The following ANKRD11 variants were observed in gnomAD, a reference collection of about 807,000 sequenced individuals.
ANKRD11 encodes ankyrin repeat domain-containing protein 11.
ANKRD11 carries 17 observed loss-of-function variants against 195.7 expected under a neutral mutation model. The ratio of observed to expected loss-of-function variants is 0.09; its 90% CI spans 0.06 to 0.13. ANKRD11 has a LOEUF of 0.13. Among genes scored for constraint, ANKRD11 ranks in the 10% least tolerant of loss-of-function variants. ANKRD11 has a pLI of 1.00. For missense variants in ANKRD11, 3,735 were observed against 3,566.1 expected, an observed-to-expected ratio of 1.05 and a Z score of -1.21; for synonymous variants, 1,953 against 1,528.1, an observed-to-expected ratio of 1.28 and a Z score of -6.49.
intron 1 of ANKRD11, among the ~76,000 whole-genome samples, chr16:89,476,567 G>T (rs947159471): frequency 3.3e-5 from 5 of 152,204 alleles, no homozygotes; most frequent in African/African-American, 1.2e-4. Context: ...AGGTGGGCAG[G>T]TTACAACACA....
At position 89,280,721 on chromosome 16, in the gene ANKRD11, C is replaced by T. The variant is rs747409293; in HGVS notation, c.5821G>A (p.Ala1941Thr). The T allele has an allele frequency of 5.6e-6, 9 of 1,613,432 alleles. No individual in the cohort carries two copies. The Admixed American group carries it at 6.7e-5, about 12-fold the overall frequency. The change falls in exon 9 of 13, where the codon GCC becomes ACC. Residue 1941 changes from alanine to threonine, a missense_variant. By Grantham distance (58) the Ala-to-Thr change is moderately conservative. Transcript: ENST00000301030. ...LEPLDEGPFS[A>T]VITEEPVEWA... Reference sequence around the variant, plus strand: ...TCAACGGGCTCCTCGGTGATGACGGCGCTGAAGGGACCCTCGTCCAGCGGC... The same window carrying T: ...TCAACGGGCTCCTCGGTGATGACGGTGCTGAAGGGACCCTCGTCCAGCGGC...
At position 89,274,533 on chromosome 16, in the gene ANKRD11, C is replaced by T. The variant is rs2033471726; in HGVS notation, c.7713+281G>A. Among the ~76,000 whole-genome samples the T allele has an allele frequency of 3.3e-5, 5 of 152,346 alleles. No individual in the cohort carries two copies. In the Middle Eastern group the frequency reaches 0.017, roughly 518 times the overall value. On this transcript the variant is annotated intron_variant, in intron 11 of 12. Transcript: ENST00000301030. ...AGGTAGGTAGGGGCAGGTGCTCCAA[C>T]TGCATGGACAAGTGTTACGGAGGGA... is the stretch of plus-strand genomic sequence containing the variant.
intron 11 of ANKRD11, 138 bp downstream of exon 11, chr16:89,274,676 C>G: frequency 7.6e-7 from 1 of 1,311,774 alleles, no homozygotes; most frequent in Non-Finnish European, 1.1e-6. Flanking sequence ...TAGAGGCATG[C>G]AAAGGACTCT....
intron 2 of ANKRD11, among the ~76,000 whole-genome samples, chr16:89,351,977 C>T (rs908882229): frequency 1.3e-5 from 2 of 152,150 alleles, no homozygotes; most frequent in Non-Finnish European, 2.9e-5. Flanking sequence ...GTGGTGCGAT[C>T]GTGGCTCACT....
chr16:89,346,251 A>G lies in ANKRD11; in HGVS notation c.-59-29173T>C, dbSNP rs1222680880. Among the ~76,000 whole-genome samples the G allele has an allele frequency of 6.2e-4, 24 of 38,820 alleles. 1 individual carries two copies. The highest frequency in any genetic ancestry group is 1.2e-3 in the Admixed American group (6 of 4,934). 25.5% of individuals were successfully genotyped at this position (38,820 alleles called of 152,430 possible). A position where few individuals can be genotyped will look rare whatever the true frequency, so the allele number is the denominator to read the frequency against. On this transcript the variant is annotated intron_variant, in intron 2 of 12. Coordinates refer to ENST00000301030, the MANE Select transcript of ANKRD11 (RefSeq NM_013275.6). ...CGACAGAGGGAGACCCCGTCTCAGG[A>G]AAAAAAAAAAAAAAAAAAAGAATCA... is the stretch of plus-strand genomic sequence containing the variant.
At chr16:89,277,163 G>C (rs1341781120) in intron 9 of ANKRD11, among the ~76,000 whole-genome samples, 3 of 152,330 alleles carry the variant, frequency 2.0e-5, no homozygotes, top group Middle Eastern at 6.8e-3. Flanking sequence ...CAGCCCCCCA[G>C]TGAGGGTTCT....
Position 89,280,276 on chromosome 16 carries a change from A to C in ANKRD11, c.6266T>G (p.Val2089Gly), listed in dbSNP as rs994964936. 2 of 1,608,270 alleles carry C rather than the reference A, an allele frequency of 1.2e-6. No individual in the cohort carries two copies. The highest frequency in any genetic ancestry group is 2.7e-5 in the African/African-American group (2 of 74,852). The change falls in exon 9 of 13, where the codon GTG becomes GGG. Residue 2089 changes from valine (V) to glycine (G), a missense_variant. Physicochemically the swap from Val to Gly is moderately radical, Grantham distance 109 (BLOSUM62 -3). Coordinates refer to ENST00000301030, the MANE Select transcript of ANKRD11 (RefSeq NM_013275.6). ...VAPEPACVAA[V>G]AQVEALGPLE... ...GGGCCCCAGAGCCTCCACCTGAGCC[A>C]CAGCGGCTACACAGGCGGGCTCGGG...
chr16:89,488,871 C>G (rs1048315668), intron 1 of ANKRD11, among the ~76,000 whole-genome samples: 1 of 152,108 alleles, frequency 6.6e-6, no homozygotes, highest in Non-Finnish European at 1.5e-5. Context: ...ACCATAAAAC[C>G]CTGTTCTTGC....
chr16:89,379,548 G>A (rs1213429363), intron 2 of ANKRD11, among the ~76,000 whole-genome samples: 2 of 152,164 alleles, frequency 1.3e-5, no homozygotes, highest in African/African-American at 4.8e-5. Context: ...GCTCAGTCAC[G>A]GCTCACTGCA....
rs747872776 is a variant in ANKRD11, at chr16:89,414,398, C to T, written c.-60+3886G>A. 5.3e-5 allele frequency among the ~76,000 whole-genome samples: 8 copies of T among 152,122 alleles called. 1 individual carries two copies. Among genetic ancestry groups the T allele is most frequent in the Admixed American group, 2.0e-4 (3 of 15,260 alleles). On this transcript the variant is annotated intron_variant, in intron 2 of 12. Coordinates refer to ENST00000301030, the MANE Select transcript of ANKRD11 (RefSeq NM_013275.6). ...ACTCACGGCCACACTCACTGGGAAC[C>T]GCGTGCTGGGGTCATCGGGGGTCAC...
At chr16:89,386,995 T>C (rs150711741) in intron 2 of ANKRD11, among the ~76,000 whole-genome samples, 6 of 151,040 alleles carry the variant, frequency 4.0e-5, no homozygotes, top group Non-Finnish European at 5.9e-5. Context: ...GAGCCCTGTA[T>C]CGACTGGGTG....
At chr16:89,438,718 G>A (rs182720552) in intron 1 of ANKRD11, among the ~76,000 whole-genome samples, 2 of 152,258 alleles carry the variant, frequency 1.3e-5, no homozygotes, top group South Asian at 2.1e-4. Flanking sequence ...CAGTCCCTTC[G>A]AAGCTAAAGT....
chr16:89,439,819 A>G (rs563391870), intron 1 of ANKRD11, among the ~76,000 whole-genome samples: 2 of 152,266 alleles, frequency 1.3e-5, no homozygotes, highest in South Asian at 2.1e-4. Context: ...TTCATTCCCA[A>G]TGATCACCAA....
Position 89,281,500 on chromosome 16 carries a change from G to A in ANKRD11, c.5042C>T (p.Ala1681Val), listed in dbSNP as rs751093305. ...CAGGACCTCTTTCATGTGAGGGCCT[G>A]CCAGCCAGTCTTTGGAGTCTGCACC... ...ASGADSKDWL[A>V]GPHMKEVLPA... The change falls in exon 9 of 13, where the codon GCA becomes GTA. Residue 1681 changes from alanine (A) to valine (V), a missense_variant. Transcript: ENST00000301030. This position sits in a 1 kb window ranked among gnomAD's most constrained non-coding sequence, Gnocchi z 5.5. 3 of 1,614,208 alleles carry A rather than the reference G, an allele frequency of 1.9e-6. No individual in the cohort carries two copies. The highest frequency in any genetic ancestry group is 2.5e-6 in the Non-Finnish European group (3 of 1,180,032).
chr16:89,280,827 C>A lies in ANKRD11; in HGVS notation c.5715G>T (p.Gly1905=). Residue 1905 remains glycine (G), a synonymous_variant, in exon 9 of 13, where the codon GGG becomes GGT. Coordinates refer to ENST00000301030, the MANE Select transcript of ANKRD11 (RefSeq NM_013275.6). ...RAELLVPSLE[G]ALPPDLDTSE... ...AGGTGTCCAGGTCCGGGGGAAGGGC[C>A]CCTTCGAGGGAAGGAACCAGCAGCT... The A allele has an allele frequency of 6.2e-7, 1 of 1,601,206 alleles. No homozygotes were observed. The highest frequency in any genetic ancestry group is 8.5e-7 in the Non-Finnish European group (1 of 1,170,310).
intron 4 of ANKRD11, among the ~76,000 whole-genome samples, chr16:89,296,768 T>C (rs1423054007): frequency 6.6e-6 from 1 of 152,158 alleles, no homozygotes; most frequent in African/African-American, 2.4e-5. Context: ...GAGGAAGGTG[T>C]GTCTCTCCAG....
chr16:89,307,584 C>G (rs1243825214), intron 3 of ANKRD11, among the ~76,000 whole-genome samples: 1 of 152,078 alleles, frequency 6.6e-6, no homozygotes, highest in African/African-American at 2.4e-5. Context: ...AGTGCAGGTC[C>G]CTCCCGGGCC....
intron 1 of ANKRD11, among the ~76,000 whole-genome samples, chr16:89,448,375 T>A (rs2043904492): frequency 6.6e-6 from 1 of 152,176 alleles, no homozygotes; most frequent in Non-Finnish European, 1.5e-5. Context: ...AAAGGACAAG[T>A]TATATTAGTG....
At chr16:89,354,257 A>AG (rs1567690405) in intron 2 of ANKRD11, among the ~76,000 whole-genome samples, 1 of 152,088 alleles carries the variant, frequency 6.6e-6, no homozygotes. Context: ...AAAAAAAAAA[A>AG]AAAGAAAACT....
Sources: allele counts gnomAD v4.1 joint callset (sites outside exome capture counted in the v4.1 genomes callset), GRCh38; gene constraint gnomAD v4.1.1; non-coding constraint Gnocchi (gnomAD v3.1); transcripts MANE v1.5; gene names NCBI Gene and HGNC (gene_info 2026-07-23, HGNC 2026-07-21).